PDXDC1: variants seen among roughly 807,000 people sequenced by gnomAD.
PDXDC1 encodes pyridoxal-dependent decarboxylase domain-containing protein 1.
In PDXDC1, 42 loss-of-function variants were observed where a neutral mutation model predicts 100.1. That is an observed-to-expected ratio of 0.42 (90% CI 0.33 to 0.54). The LOEUF (loss-of-function observed/expected upper bound fraction) is 0.54, where lower values mean the gene tolerates loss of function less well. Ranked by LOEUF, PDXDC1 falls within the 20% of genes least tolerant of loss-of-function variation. The probability of loss-of-function intolerance (pLI) is 0.10; values close to 1 mark genes in which losing one functional copy is unlikely to be tolerated. For missense variants in PDXDC1, 636 were observed against 979.2 expected, an observed-to-expected ratio of 0.65 and a Z score of 4.68; for synonymous variants, 260 against 371.7, an observed-to-expected ratio of 0.70 and a Z score of 3.46.
chr16:15,086,379 T>A (rs764080357), intron 16 of PDXDC1: 1 of 1,613,772 alleles, frequency 6.2e-7, no homozygotes, highest in Non-Finnish European at 8.5e-7. Flanking sequence ...ATAATACTGA[T>A]AAGTTGCTCA....
At chr16:15,127,024 C>G in intron 16 of PDXDC1, 1 of 345,122 alleles carries the variant, frequency 2.9e-6, no homozygotes, top group Non-Finnish European at 5.7e-6. Flanking sequence ...CTCCTGGACT[C>G]AGATCCGCCC....
In PDXDC1 at chr16:15,125,834, G is replaced by A. The variant is rs768790937; in HGVS notation, c.1400-13045G>A. 4 of 924,210 alleles carry A rather than the reference G, an allele frequency of 4.3e-6. No homozygotes were observed. The Admixed American group carries it at 5.6e-5, about 13-fold the overall frequency. The allele number at this position is 924,210 out of a possible 1,614,324, so 57.3% of individuals were successfully genotyped here. ...TGCAGGACGACAGCAGTGGTCAGCG[G>A]GCGGCAGCTCAGACCTGCTCAGGAC... On this transcript the variant is annotated intron_variant, in intron 16 of 16. Transcript: ENST00000535621.
intron 16 of PDXDC1, chr16:15,047,700 C>G (rs2044131669): frequency 3.4e-6 from 3 of 895,460 alleles, no homozygotes; most frequent in Non-Finnish European, 5.6e-6. Flanking sequence ...CCAACCCATT[C>G]TGACCAGGAC....
At chr16:15,035,591 T>A in intron 22 of PDXDC1, 38 bp downstream of exon 22, 1 of 1,294,130 alleles carries the variant, frequency 7.7e-7, no homozygotes, top group Non-Finnish European at 1.1e-6. Context: ...GGTAACAGGT[T>A]TCCCCTGTTG....
chr16:15,057,845 A>G (rs1357483181), intron 16 of PDXDC1, among the ~76,000 whole-genome samples: 1 of 152,166 alleles, frequency 6.6e-6, no homozygotes, highest in Non-Finnish European at 1.5e-5. Flanking sequence ...AGTTTGCCTA[A>G]CTGGTTTTTC....
intron 1 of PDXDC1, among the ~76,000 whole-genome samples, chr16:14,984,494 T>TG (rs1968844741): frequency 1.2e-5 from 1 of 83,514 alleles, no homozygotes; most frequent in Admixed American, 1.6e-4. Context: ...TATATATATA[T>TG]ATTTTTTTTT....
chr16:15,019,964 T>G (rs1341290470), intron 12 of PDXDC1, among the ~76,000 whole-genome samples: 3 of 152,088 alleles, frequency 2.0e-5, no homozygotes, highest in Admixed American at 6.5e-5. Flanking sequence ...TACAAAAAAT[T>G]AGCTGGGCGT....
downstream of PDXDC1, among the ~76,000 whole-genome samples, chr16:15,042,066 A>G (rs752749436): frequency 4.6e-5 from 7 of 152,246 alleles, no homozygotes; most frequent in Non-Finnish European, 7.3e-5. Context: ...TGAAAAATAC[A>G]AGAGAACATA....
intron 16 of PDXDC1, among the ~76,000 whole-genome samples, chr16:15,051,644 T>C (rs1350875393): frequency 1.3e-5 from 2 of 151,816 alleles, no homozygotes; most frequent in African/African-American, 4.8e-5. Flanking sequence ...GCCACCACAC[T>C]TGTGCTAGGA....
chr16:15,072,195 C>T (rs2045262086), intron 16 of PDXDC1, among the ~76,000 whole-genome samples: 1 of 150,784 alleles, frequency 6.6e-6, no homozygotes, highest in African/African-American at 2.4e-5. Context: ...CTCTAGGAAG[C>T]CACAAAATCG....
At position 15,037,975 on chromosome 16, in the gene PDXDC1, G is replaced by T; in HGVS notation, c.*1700G>T. The T allele has an allele frequency of 7.4e-7, 1 of 1,346,182 alleles. No homozygotes were observed. The highest frequency in any genetic ancestry group is 1.1e-6 in the Non-Finnish European group (1 of 951,628). The allele number at this position is 1,346,182 out of a possible 1,614,324, so 83.4% of individuals were successfully genotyped here. A position where few individuals can be genotyped will look rare whatever the true frequency, so the allele number is the denominator to read the frequency against. On this transcript the variant is annotated 3_prime_UTR_variant, in exon 23 of 23. Coordinates refer to ENST00000396410, the MANE Select transcript of PDXDC1 (RefSeq NM_015027.4). Reference sequence around the variant, plus strand: ...AGGATCCAGATCTGGATTCGTGCCAGCCCCACCAATGGTCTGTCAGGCCAA... The same window carrying T: ...AGGATCCAGATCTGGATTCGTGCCATCCCCACCAATGGTCTGTCAGGCCAA...
intron 16 of PDXDC1, chr16:15,136,074 C>G (rs975201345): frequency 1.3e-5 from 20 of 1,580,724 alleles, no homozygotes; most frequent in Non-Finnish European, 1.6e-5. Flanking sequence ...CGCCCTGCGG[C>G]GCTGGGCCCA....
At chr16:15,035,392 T>A in intron 21 of PDXDC1, 57 bp from the exon 22 acceptor site, 1 of 912,488 alleles carries the variant, frequency 1.1e-6, no homozygotes, top group South Asian at 1.7e-5. Flanking sequence ...GGGCAGGTGG[T>A]GTCTTCAAGG....
At position 15,085,008 on chromosome 16, in the gene PDXDC1, G is replaced by A. The variant is rs192123194; in HGVS notation, c.1400-53871G>A. Among the ~76,000 whole-genome samples the A allele has an allele frequency of 1.6e-3, 247 of 152,126 alleles. 1 individual carries two copies. Among genetic ancestry groups the A allele is most frequent in the African/African-American group, 5.5e-3 (228 of 41,486 alleles). ...TTGAACCTGGGAGGTGAAGGCTGCA[G>A]CGAACCGAGATCACACCACTATACT... On this transcript the variant is annotated intron_variant, in intron 16 of 16. Coordinates refer to the PDXDC1 transcript ENST00000535621.
chr16:15,035,455 T>TG lies in PDXDC1; in HGVS notation c.2011dup (p.Glu671GlyfsTer38). On this transcript the variant is annotated frameshift_variant, in exon 22 of 23. Coordinates refer to ENST00000396410, the MANE Select transcript of PDXDC1 (RefSeq NM_015027.4). LOFTEE classifies it high-confidence loss of function. ...GCCCTCTCCTCTCCCGCAGGCTCTC[T>TG]GGAGTCCACAGAACCCATATATGTC... The TG allele has an allele frequency of 1.2e-6, 2 of 1,604,506 alleles. No homozygotes were observed. The highest frequency in any genetic ancestry group is 1.7e-6 in the Non-Finnish European group (2 of 1,174,952).
chr16:15,121,894 CA>C lies in PDXDC1; in HGVS notation c.1400-16984del, dbSNP rs1388774130. 2.9e-4 allele frequency: 57 copies of C among 196,816 alleles called. 1 individual carries two copies. Among genetic ancestry groups the C allele is most frequent in the Middle Eastern group, 4.4e-3 (2 of 450 alleles). The allele number at this position is 196,816 out of a possible 1,614,324, so 12.2% of individuals were successfully genotyped here. On this transcript the variant is annotated intron_variant, in intron 16 of 16. Coordinates refer to the PDXDC1 transcript ENST00000535621. ...GCGCGGTGGCTCACGCCTGTAATCC[CA>C]GCACTGGGAGGCCGAGGCAGGCGGA...
intron 16 of PDXDC1, among the ~76,000 whole-genome samples, chr16:15,096,788 A>G (rs975240339): frequency 1.3e-5 from 2 of 152,282 alleles, no homozygotes; most frequent in East Asian, 1.9e-4. Context: ...AGCTTATGCA[A>G]TCCTCTCACC....
At chr16:15,026,305 C>A (rs2042598502) in intron 13 of PDXDC1, 1 of 376,848 alleles carries the variant, frequency 2.7e-6, no homozygotes, top group Non-Finnish European at 4.5e-6. Context: ...TGGGCTCTCT[C>A]CGCACTGAGT....
rs1041903639 is a variant in PDXDC1, at chr16:15,122,602, C to G, written c.1400-16277C>G. Among the ~76,000 whole-genome samples the G allele has an allele frequency of 1.2e-4, 18 of 150,562 alleles. 1 individual carries two copies. Among genetic ancestry groups the G allele is most frequent in the African/African-American group, 4.4e-4 (18 of 40,898 alleles). ...TGGACTGATGGCTGATAAATCCCAG[C>G]AGGAGCCGAAAGAGCAGCCACAGCA... On this transcript the variant is annotated intron_variant, in intron 16 of 16. Coordinates refer to the PDXDC1 transcript ENST00000535621.
Sources: allele counts gnomAD v4.1 joint callset (sites outside exome capture counted in the v4.1 genomes callset), GRCh38; gene constraint gnomAD v4.1.1; transcripts MANE v1.5; gene names NCBI Gene and HGNC (gene_info 2026-07-23, HGNC 2026-07-21).